SLC38A9: variants seen among roughly 807,000 people sequenced by gnomAD.
SLC38A9 encodes solute carrier family 38 member 9.
A neutral mutation model predicts 62.3 loss-of-function variants in SLC38A9; 48 were observed. That is an observed-to-expected ratio of 0.77 (90% confidence interval 0.61 to 0.98). The LOEUF is 0.98. SLC38A9 is among the 50% of genes least tolerant of loss of function. SLC38A9 has a pLI of 0.00. For synonymous variants in SLC38A9, 204 were observed against 227.7 expected (o/e 0.90, Z 0.94); for missense variants, 541 against 679.8 (o/e 0.80, Z 2.27).
intron 2 of SLC38A9, among the ~76,000 whole-genome samples, chr5:55,705,112 C>T (rs1307254331): frequency 6.6e-6 from 1 of 152,010 alleles, no homozygotes; most frequent in Non-Finnish European, 1.5e-5. Context: ...AACTTAGCGG[C>T]CTGAACAAAA....
In SLC38A9 at chr5:55,635,401, A is replaced by T. The variant is rs755648629; in HGVS notation, c.1281+143T>A. ...TCAGAAAGAAAAGGGAAGGTGCCTAAATTCCCATACTTGGAGTAGATAGCA... is the reference window on the plus strand; with the variant it reads ...TCAGAAAGAAAAGGGAAGGTGCCTATATTCCCATACTTGGAGTAGATAGCA... On this transcript the variant is annotated intron_variant, in intron 13 of 15. Coordinates refer to ENST00000396865, the MANE Select transcript of SLC38A9 (RefSeq NM_173514.4). The T allele has an allele frequency of 8.6e-6, 6 of 700,428 alleles. No individual in the cohort carries two copies. In the Admixed American group the frequency reaches 1.3e-4, roughly 15 times the overall value. The allele number at this position is 700,428 out of a possible 1,614,324, so 43.4% of individuals were successfully genotyped here. A position where few individuals can be genotyped will look rare whatever the true frequency, so the allele number is the denominator to read the frequency against.
At chr5:55,697,369 A>T (rs1756027609) in intron 3 of SLC38A9, among the ~76,000 whole-genome samples, 1 of 152,148 alleles carries the variant, frequency 6.6e-6, no homozygotes, top group African/African-American at 2.4e-5. Flanking sequence ...CAGCTACTTT[A>T]TTGAATTCTC....
chr5:55,666,582 A>C (rs1174555720), intron 7 of SLC38A9, among the ~76,000 whole-genome samples: 1 of 134,260 alleles, frequency 7.4e-6, no homozygotes, highest in Non-Finnish European at 1.6e-5. Context: ...GAACATGAGG[A>C]CAATATCACT....
chr5:55,656,998 C>T (rs1354375333), intron 8 of SLC38A9, among the ~76,000 whole-genome samples: 2 of 152,012 alleles, frequency 1.3e-5, no homozygotes, highest in Non-Finnish European at 1.5e-5. Flanking sequence ...GTAGCTGGGA[C>T]TACAAGCGCC....
rs1743919994 is a variant in SLC38A9 at position 55,633,803 on chromosome 5, G to A, written c.1381C>T (p.Leu461=). ...MMTVYPLLGY[L]ARVQLLGHIF... Reference sequence around the variant, plus strand: ...TGGCCCAAAAGCTGGACACGAGCCAGGTAGCCTAAGAGTGGGTATACAGTC... The same window carrying A: ...TGGCCCAAAAGCTGGACACGAGCCAAGTAGCCTAAGAGTGGGTATACAGTC... Residue 461 remains leucine (L), a synonymous_variant, in exon 14 of 16, where the codon CTG becomes TTG. Transcript: ENST00000396865. 1.2e-6 allele frequency: 2 copies of A among 1,614,042 alleles called. No individual in the cohort carries two copies. Among genetic ancestry groups the A allele is most frequent in the African/African-American group, 1.3e-5 (1 of 74,926 alleles).
intron 2 of SLC38A9, chr5:55,704,252 G>T (rs1463704170): frequency 6.6e-6 from 1 of 152,214 alleles, no homozygotes; most frequent in Admixed American, 6.5e-5. Context: ...GCTTAGGAAA[G>T]AAATAAACAT....
chr5:55,709,669 C>A (rs563004329), intron 2 of SLC38A9, among the ~76,000 whole-genome samples: 1 of 152,108 alleles, frequency 6.6e-6, no homozygotes, highest in Non-Finnish European at 1.5e-5. Flanking sequence ...GCTGAGTTTA[C>A]CCTTTATTGT....
At chr5:55,671,988 T>C (rs1356117293) in intron 4 of SLC38A9, among the ~76,000 whole-genome samples, 2 of 152,032 alleles carry the variant, frequency 1.3e-5, no homozygotes, top group African/African-American at 2.4e-5. Flanking sequence ...GCTGGAACTA[T>C]AGGTGCGAGC....
chr5:55,626,355 C>T lies in SLC38A9; in HGVS notation c.*139G>A, dbSNP rs1742405726. 3 of 739,702 alleles carry T rather than the reference C, an allele frequency of 4.1e-6. No homozygotes were observed. The highest frequency in any genetic ancestry group is 5.9e-5 in the Admixed American group (2 of 33,892). 45.8% of individuals were successfully genotyped at this position (739,702 alleles called of 1,614,324 possible). On this transcript the variant is annotated 3_prime_UTR_variant, in exon 16 of 16. Transcript: ENST00000396865. ...AATAAAAAAATACTCATTAAGGGGC[C>T]ACTATTTCCCTTGCTTTCAAATTAT...
intron 9 of SLC38A9, among the ~76,000 whole-genome samples, chr5:55,656,097 GA>G (rs1014002558): frequency 1.3e-4 from 19 of 151,732 alleles, no homozygotes; most frequent in African/African-American, 4.6e-4. Context: ...ATAGGTTCTT[GA>G]AAATACTGAT....
At chr5:55,665,569 CAAAAGAAAG>C (rs1750333248) in intron 7 of SLC38A9, among the ~76,000 whole-genome samples, 1 of 147,084 alleles carries the variant, frequency 6.8e-6, no homozygotes. Flanking sequence ...AGAAAAAAAA[CAAAAGAAAG>C]AAATCAAATA....
intron 2 of SLC38A9, among the ~76,000 whole-genome samples, chr5:55,705,710 CTTTT>C (rs35776949): frequency 2.1e-5 from 3 of 141,150 alleles, no homozygotes; most frequent in Admixed American, 1.4e-4. Flanking sequence ...GCCTTAAACT[CTTTT>C]TTTTTTTTTT....
chr5:55,652,374 A>AG (rs1383506536), intron 10 of SLC38A9, among the ~76,000 whole-genome samples, 155 bp downstream of exon 10: 11 of 150,526 alleles, frequency 7.3e-5, no homozygotes, highest in African/African-American at 1.5e-4. Context: ...AAAAAAAAAA[A>AG]AAAGAAAGAA....
intron 12 of SLC38A9, among the ~76,000 whole-genome samples, chr5:55,638,822 GCA>G (rs1334675469): frequency 6.6e-6 from 1 of 152,092 alleles, no homozygotes. Context: ...AAAGAACAAA[GCA>G]GGGTAATACA....
intron 3 of SLC38A9, among the ~76,000 whole-genome samples, chr5:55,673,763 G>A (rs1751696980): frequency 6.7e-6 from 1 of 148,238 alleles, no homozygotes; most frequent in Non-Finnish European, 1.5e-5. Context: ...CTAGGCTGGA[G>A]TGCAGTGGTG....
chr5:55,690,743 A>G (rs1754613021), intron 3 of SLC38A9, among the ~76,000 whole-genome samples: 1 of 116,218 alleles, frequency 8.6e-6, no homozygotes, highest in African/African-American at 3.0e-5. Context: ...ACTTTGCCTT[A>G]GTAAATATCA....
chr5:55,710,478 G>T (rs1177378344), intron 2 of SLC38A9, among the ~76,000 whole-genome samples: 1 of 152,138 alleles, frequency 6.6e-6, no homozygotes, highest in African/African-American at 2.4e-5. Flanking sequence ...AAAAGTGTTG[G>T]GATTACAGGC....
In SLC38A9 at chr5:55,633,878, T is replaced by C; in HGVS notation, c.1306A>G (p.Ser436Gly). 6.2e-7 allele frequency: 1 copy of C among 1,605,730 alleles called. No individual in the cohort carries two copies. Among genetic ancestry groups the C allele is most frequent in the Non-Finnish European group, 8.5e-7 (1 of 1,175,908 alleles). The stretch of plus-strand genomic sequence containing the variant: ...CTTGCAATGAAGGACAGGGTGTCAC[T>C]GCTAGGGAAGTTGTCTAAAAAATTC... The part of the protein sequence containing the change: ...EQNFLDNFPS[S>G]DTLSFIARIF... The change falls in exon 14 of 16, where the codon AGT becomes GGT. Residue 436 changes from serine to glycine, a missense_variant. Transcript: ENST00000396865.
chr5:55,646,489 T>C (rs1746383734), intron 11 of SLC38A9, among the ~76,000 whole-genome samples: 1 of 152,186 alleles, frequency 6.6e-6, no homozygotes, highest in South Asian at 2.1e-4. Flanking sequence ...TTAAAGTCCT[T>C]CATTTTTTTA....
Sources: gnomAD v4.1 joint callset for allele counts (sites outside exome capture counted in the v4.1 genomes callset) on GRCh38, gnomAD v4.1.1 for gene constraint, MANE v1.5 for transcripts, NCBI Gene and HGNC (gene_info 2026-07-23, HGNC 2026-07-21) for gene names.